SLC7A1: variants seen among roughly 807,000 people sequenced by gnomAD.
The protein encoded by SLC7A1 is solute carrier family 7 member 1.
Under a neutral mutation model 53.9 loss-of-function variants are expected in SLC7A1, and 10 were observed. The ratio of observed to expected loss-of-function variants is 0.19; its 90% CI spans 0.11 to 0.31. The LOEUF is 0.31. Ranked by LOEUF, SLC7A1 falls within the 10% of genes least tolerant of loss-of-function variation. The pLI is 1.00. For synonymous variants in SLC7A1, 342 were observed against 338.7 expected, an observed-to-expected ratio of 1.01 and a Z score of -0.11; for missense variants, 525 against 827.2, an observed-to-expected ratio of 0.63 and a Z score of 4.48.
chr13:29,554,645 A>C (rs1870351848), intron 1 of SLC7A1, among the ~76,000 whole-genome samples: 1 of 152,222 alleles, frequency 6.6e-6, no homozygotes, highest in African/African-American at 2.4e-5. Context: ...GAAGAGGTTT[A>C]ATTAAGCTGT....
intron 2 of SLC7A1, among the ~76,000 whole-genome samples, chr13:29,551,739 A>G (rs1870200114): frequency 6.6e-6 from 1 of 152,134 alleles, no homozygotes; most frequent in Non-Finnish European, 1.5e-5. Context: ...TAAGCACCTA[A>G]ACAGGGAAGG....
At position 29,509,572 on chromosome 13, in the gene SLC7A1, G is replaced by A. The variant is rs879429743; in HGVS notation, c.*4908C>T. On this transcript the variant is annotated 3_prime_UTR_variant, in exon 13 of 13. Coordinates refer to ENST00000380752, the MANE Select transcript of SLC7A1 (RefSeq NM_003045.5). ...GCAGTTTCACATTTTTTGAAAGGTG[G>A]TGGACGACAACTACACTTGTCCTTA... is the stretch of plus-strand genomic sequence containing the variant. The A allele has an allele frequency of 3.3e-5, 5 of 152,618 alleles. No homozygotes were observed. The highest frequency in any genetic ancestry group is 5.9e-5 in the Non-Finnish European group (4 of 68,054). 9.5% of individuals were successfully genotyped at this position (152,618 alleles called of 1,614,324 possible). A position where few individuals can be genotyped will look rare whatever the true frequency, so the allele number is the denominator to read the frequency against.
intron 11 of SLC7A1, chr13:29,516,736 C>A: frequency 5.6e-6 from 1 of 177,500 alleles, no homozygotes; most frequent in Non-Finnish European, 1.2e-5. Context: ...TATGTATAAA[C>A]TTAGGGGCAA....
intron 10 of SLC7A1, 130 bp downstream of exon 10, chr13:29,517,443 G>C: frequency 8.2e-7 from 1 of 1,218,356 alleles, no homozygotes; most frequent in Non-Finnish European, 1.2e-6. Flanking sequence ...TTAACACAGA[G>C]TAACTATGTC....
At chr13:29,590,086 G>T (rs942468655) in intron 1 of SLC7A1, among the ~76,000 whole-genome samples, 1 of 152,136 alleles carries the variant, frequency 6.6e-6, no homozygotes, top group Non-Finnish European at 1.5e-5. Context: ...AGGACACTTC[G>T]AACACGTCCA....
In SLC7A1 at chr13:29,568,204, C is replaced by A. The variant is rs521924; in HGVS notation, c.-114-14344G>T. Among the ~76,000 whole-genome samples the A allele has an allele frequency of 3.4e-3, 524 of 152,240 alleles. 4 individuals are homozygous for A. Among genetic ancestry groups the A allele is most frequent in the African/African-American group, 0.012 (491 of 41,532 alleles). On this transcript the variant is annotated intron_variant, in intron 1 of 12. Coordinates refer to ENST00000380752, the MANE Select transcript of SLC7A1 (RefSeq NM_003045.5). ...TGGGGAGGAGTGAGCTGATCTAATC[C>A]ACTCCAGACCACAGTCTACCCCGTA...
chr13:29,557,311 G>A (rs1476606816), intron 1 of SLC7A1, among the ~76,000 whole-genome samples: 2 of 152,176 alleles, frequency 1.3e-5, no homozygotes, highest in African/African-American at 4.8e-5. Context: ...CATGTGTCAT[G>A]ACTTAATGAT....
At chr13:29,548,990 C>T (rs1034832832) in intron 2 of SLC7A1, among the ~76,000 whole-genome samples, 2 of 152,238 alleles carry the variant, frequency 1.3e-5, no homozygotes, top group African/African-American at 2.4e-5. Context: ...AGAAGGAACA[C>T]ACTTTTAATC....
At chr13:29,520,662 A>C (rs1203614080) in intron 8 of SLC7A1, among the ~76,000 whole-genome samples, 2 of 152,242 alleles carry the variant, frequency 1.3e-5, no homozygotes, top group Non-Finnish European at 2.9e-5. Context: ...ACATGCAATC[A>C]ACACAAGCTA....
chr13:29,568,379 C>T (rs1482911509), intron 1 of SLC7A1, among the ~76,000 whole-genome samples: 5 of 152,216 alleles, frequency 3.3e-5, no homozygotes, highest in Non-Finnish European at 5.9e-5. Flanking sequence ...ACCAAAATTA[C>T]CTGGAATCAG....
chr13:29,520,740 A>C (rs1469489497), intron 8 of SLC7A1, among the ~76,000 whole-genome samples: 1 of 152,246 alleles, frequency 6.6e-6, no homozygotes. Context: ...ACTGCAACTA[A>C]AACAAATTTA....
rs188272463 is a variant in SLC7A1 at position 29,561,478 on chromosome 13, G to T, written c.-114-7618C>A. Among the ~76,000 whole-genome samples the T allele has an allele frequency of 3.3e-3, 503 of 152,312 alleles. 1 individual carries two copies. Among genetic ancestry groups the T allele is most frequent in the African/African-American group, 9.0e-3 (373 of 41,568 alleles). ...GAACAGCCCAGGCAGCTCCCGAGGG[G>T]ATATGTCGGGGGTGTCAGAGTGTTG... On this transcript the variant is annotated intron_variant, in intron 1 of 12. Coordinates refer to ENST00000380752, the MANE Select transcript of SLC7A1 (RefSeq NM_003045.5).
intron 2 of SLC7A1, among the ~76,000 whole-genome samples, chr13:29,539,334 C>T (rs2139111339): frequency 6.6e-6 from 1 of 152,220 alleles, no homozygotes; most frequent in African/African-American, 2.4e-5. Flanking sequence ...GCCGGCTGCT[C>T]GCATAAGAGG....
intron 2 of SLC7A1, among the ~76,000 whole-genome samples, chr13:29,544,117 C>T (rs529004609): frequency 6.6e-6 from 1 of 152,230 alleles, no homozygotes; most frequent in Admixed American, 6.5e-5. Flanking sequence ...ACCCACAGGC[C>T]GAAAGTAGAC....
chr13:29,526,383 G>T (rs1303482073), intron 5 of SLC7A1, among the ~76,000 whole-genome samples: 3 of 152,226 alleles, frequency 2.0e-5, no homozygotes, highest in East Asian at 3.9e-4. Context: ...GAGGCAAGAG[G>T]ATTGCTCGAG....
At chr13:29,582,803 A>G (rs1871703898) in intron 1 of SLC7A1, among the ~76,000 whole-genome samples, 2 of 152,196 alleles carry the variant, frequency 1.3e-5, no homozygotes, top group South Asian at 2.1e-4. Flanking sequence ...GCACTATTAC[A>G]TTATGCCAAG....
chr13:29,565,487 C>T (rs581455), intron 1 of SLC7A1, among the ~76,000 whole-genome samples: 4,231 of 152,266 alleles, frequency 0.028, 193 homozygotes, highest in African/African-American at 0.096. Flanking sequence ...AGGGGGCCTG[C>T]TGTTGATGGT....
At chr13:29,515,056 T>C (rs1883515500) in intron 12 of SLC7A1, among the ~76,000 whole-genome samples, 1 of 152,220 alleles carries the variant, frequency 6.6e-6, no homozygotes, top group South Asian at 2.1e-4. Flanking sequence ...GCCCCAGGAA[T>C]GGACTTCACA....
At chr13:29,534,973 A>G (rs1375644691) in intron 3 of SLC7A1, among the ~76,000 whole-genome samples, 3 of 152,214 alleles carry the variant, frequency 2.0e-5, no homozygotes, top group Non-Finnish European at 4.4e-5. Flanking sequence ...AAGATTTTCT[A>G]CATTTGCTTC....
Sources: gnomAD v4.1 joint callset for allele counts (sites outside exome capture counted in the v4.1 genomes callset) on GRCh38, gnomAD v4.1.1 for gene constraint, MANE v1.5 for transcripts, NCBI Gene and HGNC (gene_info 2026-07-23, HGNC 2026-07-21) for gene names.